PVT1: variants seen among roughly 807,000 people sequenced by gnomAD.
PVT1 encodes CXCR4/PVT1 fusion.
At chr8:127,808,175 G>C (rs1814548675) in intron 2 of PVT1, among the ~76,000 whole-genome samples, 1 of 152,088 alleles carries the variant, frequency 6.6e-6, no homozygotes, top group Non-Finnish European at 1.5e-5. Flanking sequence ...AGCCTCCCGA[G>C]TATTTGGGAC....
At chr8:127,852,047 C>T (rs894676172) in intron 2 of PVT1, 1 of 152,212 alleles carries the variant, frequency 6.6e-6, no homozygotes, top group Non-Finnish European at 1.5e-5. Context: ...TGTTGGCTGA[C>T]CATAGGTGAC....
chr8:128,034,428 A>G (rs919574935), intron 4 of PVT1, among the ~76,000 whole-genome samples: 2 of 152,146 alleles, frequency 1.3e-5, no homozygotes, highest in African/African-American at 4.8e-5. Context: ...CCATTTTGGA[A>G]CATTACACTT....
intron 4 of PVT1, among the ~76,000 whole-genome samples, chr8:128,055,663 C>G (rs183365263): frequency 1.4e-4 from 21 of 152,320 alleles, no homozygotes; most frequent in Non-Finnish European, 1.6e-4. Flanking sequence ...GGTGGTTCTT[C>G]TGTTCCACAT....
At chr8:128,056,205 G>T (rs900590187) in intron 4 of PVT1, among the ~76,000 whole-genome samples, 7 of 152,158 alleles carry the variant, frequency 4.6e-5, no homozygotes, top group Non-Finnish European at 1.0e-4. Context: ...CATGCCTCAG[G>T]TTCCTTATAA....
chr8:127,970,289 G>GTTGTT (rs1816748814), intron 3 of PVT1, among the ~76,000 whole-genome samples: 2 of 49,116 alleles, frequency 4.1e-5, no homozygotes. Context: ...GCCATGATTT[G>GTTGTT]TTTTTTTTTT....
chr8:127,893,421 C>T (rs1250957802), intron 3 of PVT1, among the ~76,000 whole-genome samples: 1 of 152,120 alleles, frequency 6.6e-6, no homozygotes, highest in East Asian at 1.9e-4. Context: ...GGACTACAGG[C>T]GTGCGCCACC....
chr8:127,874,937 G>T (rs182597279), intron 2 of PVT1, among the ~76,000 whole-genome samples: 89 of 145,950 alleles, frequency 6.1e-4, no homozygotes, highest in East Asian at 9.9e-4. Flanking sequence ...TGTGTGTGTG[G>T]GTGTGTGGCC....
chr8:127,974,920 C>T (rs754105190), intron 3 of PVT1, among the ~76,000 whole-genome samples: 29 of 151,930 alleles, frequency 1.9e-4, no homozygotes, highest in East Asian at 1.9e-4. Flanking sequence ...AATCCTAAAG[C>T]GGAAACATTT....
chr8:127,849,416 C>T (rs1387758502), intron 2 of PVT1, among the ~76,000 whole-genome samples: 8 of 152,050 alleles, frequency 5.3e-5, no homozygotes, highest in South Asian at 2.1e-4. Flanking sequence ...GCCCAGCTTT[C>T]GAAACAAGGT....
rs187863229 is a variant in PVT1 at position 127,820,771 on chromosome 8, G to A, written n.372+24700G>A. Among the ~76,000 whole-genome samples the A allele has an allele frequency of 3.2e-3, 481 of 151,960 alleles. 5 individuals carry two copies. The highest frequency in any genetic ancestry group is 0.011 in the African/African-American group (447 of 41,436). ...GTCGCCCAGGCTGGAATGCAGTGGC[G>A]CGATCTTGGCTCACTGCAACCTCTG... On this transcript the variant is annotated intron_variant and non_coding_transcript_variant, in intron 2 of 10. Coordinates refer to ENST00000651587, the Ensembl canonical transcript of PVT1.
At chr8:128,072,873 G>A (rs1814014759) in intron 5 of PVT1, among the ~76,000 whole-genome samples, 1 of 151,512 alleles carries the variant, frequency 6.6e-6, no homozygotes, top group Non-Finnish European at 1.5e-5. Flanking sequence ...TCTCACTGTT[G>A]CCCAGGTTGG....
At chr8:127,815,169 G>T (rs948262459) in intron 2 of PVT1, among the ~76,000 whole-genome samples, 19 of 152,236 alleles carry the variant, frequency 1.2e-4, no homozygotes, top group Non-Finnish European at 2.2e-4. Context: ...GCTTCGCCAT[G>T]TTGGCCAGGC....
chr8:127,994,833 A>C lies in PVT1; in HGVS notation n.912+5542A>C, dbSNP rs1817086924. Reference sequence around the variant, plus strand: ...GAAGATCGATGTCCCAGAACAAGCAATCAGGCAGAGATGAAATTCAACCTT... The same window carrying C: ...GAAGATCGATGTCCCAGAACAAGCACTCAGGCAGAGATGAAATTCAACCTT... On this transcript the variant is annotated intron_variant and non_coding_transcript_variant, in intron 4 of 10. Coordinates refer to ENST00000651587, the Ensembl canonical transcript of PVT1. Among the ~76,000 whole-genome samples the C allele has an allele frequency of 2.0e-5, 3 of 152,302 alleles. No homozygotes were observed. The East Asian group carries it at 5.8e-4, about 29-fold the overall frequency.
intron 4 of PVT1, among the ~76,000 whole-genome samples, chr8:127,999,587 G>A (rs1421358690): frequency 6.6e-6 from 1 of 151,812 alleles, no homozygotes; most frequent in Non-Finnish European, 1.5e-5. Context: ...TCAGCCTCCC[G>A]AGTAGCTGGG....
intron 3 of PVT1, among the ~76,000 whole-genome samples, chr8:127,892,616 C>T (rs1815625390): frequency 6.6e-6 from 1 of 152,212 alleles, no homozygotes; most frequent in Non-Finnish European, 1.5e-5. Context: ...GAGCCAGAAG[C>T]TGAGAACTGC....
In PVT1 at chr8:127,949,918, C is replaced by T. The variant is rs569879636; in HGVS notation, n.783-39244C>T. ...CCTGCCCAGCGGCTGGATTCTGACT[C>T]GCTGTGCCTTAGTCACAGGCCAGAG... On this transcript the variant is annotated intron_variant and non_coding_transcript_variant, in intron 3 of 10. Coordinates refer to ENST00000651587, the Ensembl canonical transcript of PVT1. Among the ~76,000 whole-genome samples, 16 of 152,350 alleles carry T rather than the reference C, an allele frequency of 1.1e-4. No individual in the cohort carries two copies. The South Asian group carries it at 3.1e-3, about 30-fold the overall frequency.
intron 4 of PVT1, among the ~76,000 whole-genome samples, chr8:127,997,607 G>T (rs1404415082): frequency 6.6e-6 from 1 of 152,168 alleles, no homozygotes; most frequent in Admixed American, 6.5e-5. Flanking sequence ...CACTTTTAAA[G>T]AATAAACTCT....
chr8:128,040,348 A>G (rs1457906800), intron 4 of PVT1, among the ~76,000 whole-genome samples: 1 of 152,242 alleles, frequency 6.6e-6, no homozygotes, highest in African/African-American at 2.4e-5. Flanking sequence ...TTTGGACTCA[A>G]GCCGCAGTAT....
At chr8:127,944,292 T>C (rs1482577453) in intron 3 of PVT1, among the ~76,000 whole-genome samples, 1 of 152,134 alleles carries the variant, frequency 6.6e-6, no homozygotes, top group Non-Finnish European at 1.5e-5. Context: ...GAGAAGGGAA[T>C]GTAAGTCATG....
Sources: allele counts gnomAD v4.1 joint callset (sites outside exome capture counted in the v4.1 genomes callset), GRCh38; gene constraint gnomAD v4.1.1; transcripts MANE v1.5; gene names NCBI Gene and HGNC (gene_info 2026-07-23, HGNC 2026-07-21).